The following LRRC4C variants were observed in gnomAD, a reference collection of about 807,000 sequenced individuals.
LRRC4C encodes leucine-rich repeat-containing protein 4C.
LRRC4C carries 5 observed loss-of-function variants against 33.6 expected under a neutral mutation model. That is an observed-to-expected ratio of 0.15 (90% CI 0.08 to 0.31). LRRC4C has a LOEUF of 0.31. Ranked by LOEUF, LRRC4C falls within the 10% of genes least tolerant of loss-of-function variation. LRRC4C has a pLI of 1.00. For synonymous variants in LRRC4C, 329 were observed against 302.0 expected, an observed-to-expected ratio of 1.09 and a Z score of -0.93; for missense variants, 560 against 796.7, an observed-to-expected ratio of 0.70 and a Z score of 3.58.
At chr11:40,266,188 A>G (rs1456041568) in intron 4 of LRRC4C, among the ~76,000 whole-genome samples, 2 of 152,104 alleles carry the variant, frequency 1.3e-5, no homozygotes, top group Non-Finnish European at 2.9e-5. Context: ...AGTCCCAGCT[A>G]ACTCTGGAGG....
intron 1 of LRRC4C, among the ~76,000 whole-genome samples, chr11:41,246,482 G>A (rs1591052452): frequency 6.6e-6 from 1 of 152,142 alleles, no homozygotes; most frequent in Admixed American, 6.5e-5. Context: ...ATCCGCAGTC[G>A]TGGCTGAGCA....
chr11:40,703,209 C>G (rs929764254), intron 2 of LRRC4C, among the ~76,000 whole-genome samples: 1 of 151,842 alleles, frequency 6.6e-6, no homozygotes, highest in Non-Finnish European at 1.5e-5. Context: ...TCCTACAATG[C>G]CCAAGACAGG....
chr11:40,114,764 G>A lies in LRRC4C; in HGVS notation c.1529C>T (p.Thr510Ile). Residue 510 changes from threonine (T) to isoleucine (I), a missense_variant, in exon 7 of 7, where the codon ACT becomes ATT. Physicochemically the swap from Thr to Ile is moderately conservative, Grantham distance 89. Transcript: ENST00000528697. The part of the protein sequence containing the change: ...STEKTFTIPV[T>I]DINSGIPGID... ...TCCTGGGATCCCACTGTTTATATCA[G>A]TCACTGGGATGGTGAAGGTTTTCTC... The A allele has an allele frequency of 6.2e-7, 1 of 1,614,168 alleles. No individual in the cohort carries two copies. The highest frequency in any genetic ancestry group is 8.5e-7 in the Non-Finnish European group (1 of 1,180,020).
At chr11:40,373,079 A>C (rs2137275705) in intron 3 of LRRC4C, among the ~76,000 whole-genome samples, 1 of 152,350 alleles carries the variant, frequency 6.6e-6, no homozygotes, top group East Asian at 1.9e-4. Flanking sequence ...AAAAGAAAAT[A>C]TTCTTTAATA....
At chr11:41,196,463 G>A (rs961687135) in intron 1 of LRRC4C, among the ~76,000 whole-genome samples, 12 of 152,004 alleles carry the variant, frequency 7.9e-5, no homozygotes, top group Non-Finnish European at 1.5e-4. Flanking sequence ...TTTCTAAGTT[G>A]AGTTTATCAA....
At chr11:40,479,621 G>A (rs1425228115) in intron 3 of LRRC4C, among the ~76,000 whole-genome samples, 2 of 152,160 alleles carry the variant, frequency 1.3e-5, no homozygotes, top group Non-Finnish European at 2.9e-5. Context: ...GGAGGCGGCT[G>A]CTTTAAACAT....
intron 3 of LRRC4C, among the ~76,000 whole-genome samples, chr11:40,392,307 A>G (rs1775659640): frequency 6.6e-6 from 1 of 152,152 alleles, no homozygotes; most frequent in Non-Finnish European, 1.5e-5. Flanking sequence ...TGTACATTAT[A>G]AACATTAGTT....
intron 1 of LRRC4C, among the ~76,000 whole-genome samples, chr11:41,257,552 T>C (rs747467946): frequency 1.2e-4 from 19 of 152,154 alleles, no homozygotes; most frequent in South Asian, 1.2e-3. Context: ...AACATAAAGA[T>C]AGAGAATTCT....
chr11:41,405,468 C>T (rs1186219363), intron 1 of LRRC4C, among the ~76,000 whole-genome samples: 1 of 152,072 alleles, frequency 6.6e-6, no homozygotes, highest in Non-Finnish European at 1.5e-5. Flanking sequence ...AAATCAATTT[C>T]TTTAGGCTCT....
At chr11:40,651,484 CACTT>C (rs1289659609) in intron 2 of LRRC4C, among the ~76,000 whole-genome samples, 3 of 152,226 alleles carry the variant, frequency 2.0e-5, no homozygotes, top group African/African-American at 7.2e-5. Flanking sequence ...TACTAGAAGA[CACTT>C]AATCTACCAC....
chr11:40,842,775 G>A (rs1236105343), intron 2 of LRRC4C, among the ~76,000 whole-genome samples: 1 of 151,984 alleles, frequency 6.6e-6, no homozygotes, highest in African/African-American at 2.4e-5. Context: ...TCTCAAGTGG[G>A]TCCTAGATCA....
intron 1 of LRRC4C, among the ~76,000 whole-genome samples, chr11:41,182,074 G>T (rs1056054971): frequency 7.9e-5 from 12 of 151,998 alleles, no homozygotes; most frequent in Non-Finnish European, 1.6e-4. Context: ...TGTTGTTTAC[G>T]TATTCTAGGA....
chr11:41,273,507 C>A (rs1949384650), intron 1 of LRRC4C, among the ~76,000 whole-genome samples: 1 of 152,132 alleles, frequency 6.6e-6, no homozygotes, highest in African/African-American at 2.4e-5. Flanking sequence ...AGGATAAATA[C>A]TGTACAATTC....
chr11:40,199,997 G>A (rs1208529040), intron 5 of LRRC4C, among the ~76,000 whole-genome samples: 1 of 151,910 alleles, frequency 6.6e-6, no homozygotes, highest in Non-Finnish European at 1.5e-5. Flanking sequence ...ACCTGCCTCT[G>A]AGGGCCTTGG....
chr11:40,295,849 G>C (rs894312564), intron 4 of LRRC4C, among the ~76,000 whole-genome samples: 1 of 152,048 alleles, frequency 6.6e-6, no homozygotes, highest in Non-Finnish European at 1.5e-5. Flanking sequence ...AACACTAGTG[G>C]GCAGTTGACT....
chr11:40,578,142 T>G (rs1958293039), intron 3 of LRRC4C, among the ~76,000 whole-genome samples: 1 of 21,352 alleles, frequency 4.7e-5, no homozygotes, highest in African/African-American at 1.7e-4. Context: ...TTTTTTTCGG[T>G]TTTTTTTTTT....
At chr11:40,651,995 A>G (rs771557352) in intron 2 of LRRC4C, among the ~76,000 whole-genome samples, 1 of 152,094 alleles carries the variant, frequency 6.6e-6, no homozygotes, top group Non-Finnish European at 1.5e-5. Context: ...AACTTTTTTG[A>G]ATTTGATCTT....
At chr11:41,244,932 G>C (rs1172071505) in intron 1 of LRRC4C, among the ~76,000 whole-genome samples, 2 of 152,072 alleles carry the variant, frequency 1.3e-5, no homozygotes, top group Non-Finnish European at 2.9e-5. Flanking sequence ...CAACATGACA[G>C]GTATTTTGCC....
intron 3 of LRRC4C, among the ~76,000 whole-genome samples, chr11:40,532,466 A>G (rs1956308793): frequency 6.6e-6 from 1 of 151,886 alleles, no homozygotes; most frequent in Non-Finnish European, 1.5e-5. Context: ...AATATAGCCT[A>G]TGGGTAGGAA....
Sources: allele counts gnomAD v4.1 joint callset (sites outside exome capture counted in the v4.1 genomes callset), GRCh38; gene constraint gnomAD v4.1.1; transcripts MANE v1.5; gene names NCBI Gene and HGNC (gene_info 2026-07-23, HGNC 2026-07-21).